Variants in NKAIN3 observed in about 807,000 individuals in gnomAD.
NKAIN3 encodes sodium/potassium transporting ATPase interacting 3, also known as sodium/potassium-transporting ATPase subunit beta-1-interacting protein 3.
Under a neutral mutation model 30.2 loss-of-function variants are expected in NKAIN3, and 25 were observed. The ratio of observed to expected loss-of-function variants is 0.83; its 90% CI spans 0.60 to 1.16. NKAIN3 has a LOEUF of 1.16. Among genes scored for constraint, NKAIN3 ranks in the 50% most tolerant of loss-of-function variants. NKAIN3 has a pLI of 0.00. For missense variants in NKAIN3, 225 were observed against 254.1 expected, an observed-to-expected ratio of 0.89 and a Z score of 0.78; for synonymous variants, 91 against 89.6, an observed-to-expected ratio of 1.02 and a Z score of -0.09.
intron 1 of NKAIN3, among the ~76,000 whole-genome samples, chr8:62,250,849 C>T (rs1812078858): frequency 6.6e-6 from 1 of 151,998 alleles, no homozygotes. Flanking sequence ...TTCCTTGGTG[C>T]TCCAGGTAAA....
chr8:62,367,976 C>A (rs922395318), intron 1 of NKAIN3, among the ~76,000 whole-genome samples: 1 of 151,954 alleles, frequency 6.6e-6, no homozygotes, highest in Non-Finnish European at 1.5e-5. Context: ...CCATTAAAAA[C>A]AGCTACAAAA....
intron 4 of NKAIN3, among the ~76,000 whole-genome samples, chr8:62,788,984 T>C (rs1029820000): frequency 3.2e-4 from 49 of 152,272 alleles, no homozygotes; most frequent in Admixed American, 2.9e-3. Context: ...CCAGCTTTGT[T>C]CTTTTGGCTT....
At position 62,872,978 on chromosome 8, in the gene NKAIN3, G is replaced by A. The variant is rs557913062; in HGVS notation, c.472-45475G>A. 1.1e-3 allele frequency among the ~76,000 whole-genome samples: 163 copies of A among 152,202 alleles called. 1 individual carries two copies. Among genetic ancestry groups the A allele is most frequent in the Middle Eastern group, 6.8e-3 (2 of 294 alleles). ...AACTCATGTACAAAATAACTAAATA[G>A]CATCATAATGACAGGATCAAATTCA... On this transcript the variant is annotated intron_variant, in intron 4 of 6. Transcript: ENST00000623646.
intron 1 of NKAIN3, among the ~76,000 whole-genome samples, chr8:62,506,228 T>TG (rs10633674): frequency 0.4 from 51,710 of 128,616 alleles, 10,589 homozygotes; most frequent in Non-Finnish European, 0.47. Context: ...ATGAGAATAT[T>TG]GGGGGGGGGG....
At chr8:62,948,631 T>G (rs1823192784) in intron 5 of NKAIN3, among the ~76,000 whole-genome samples, 1 of 152,250 alleles carries the variant, frequency 6.6e-6, no homozygotes, top group Non-Finnish European at 1.5e-5. Context: ...AACTTTAAAG[T>G]ATCTTTTCAA....
chr8:62,408,430 G>C (rs1264939108), intron 1 of NKAIN3, among the ~76,000 whole-genome samples: 2 of 152,002 alleles, frequency 1.3e-5, no homozygotes, highest in East Asian at 3.9e-4. Flanking sequence ...GAGTATGACT[G>C]TACCCATCTC....
At chr8:62,513,872 A>T (rs1807896838) in intron 1 of NKAIN3, among the ~76,000 whole-genome samples, 1 of 151,020 alleles carries the variant, frequency 6.6e-6, no homozygotes, top group African/African-American at 2.4e-5. Flanking sequence ...AAAAAAAAAA[A>T]AAAAAAAAAA....
chr8:62,338,073 G>A (rs1245050264), intron 1 of NKAIN3, among the ~76,000 whole-genome samples: 3 of 151,902 alleles, frequency 2.0e-5, no homozygotes, highest in Non-Finnish European at 4.4e-5. Context: ...TTTATTATCT[G>A]CCAATGATGT....
chr8:62,755,562 C>A (rs115719588), intron 4 of NKAIN3, among the ~76,000 whole-genome samples: 4 of 151,848 alleles, frequency 2.6e-5, no homozygotes, highest in African/African-American at 4.8e-5. Flanking sequence ...TGCTTGCTAG[C>A]GCTTTCCAGG....
At chr8:62,474,218 A>G (rs1216428907) in intron 1 of NKAIN3, 1 of 152,194 alleles carries the variant, frequency 6.6e-6, no homozygotes, top group Non-Finnish European at 1.5e-5. Flanking sequence ...AACAAAAAAT[A>G]TATACTTTTC....
chr8:62,856,245 A>C, intron 4 of NKAIN3: 2 of 882,430 alleles, frequency 2.3e-6, no homozygotes, highest in Non-Finnish European at 1.9e-6. Context: ...GTTTCCCAAT[A>C]GAGCTTTATT....
At chr8:62,676,558 G>A (rs555751669) in intron 3 of NKAIN3, among the ~76,000 whole-genome samples, 2 of 152,288 alleles carry the variant, frequency 1.3e-5, no homozygotes, top group Admixed American at 1.3e-4. Flanking sequence ...GACAGAGCAA[G>A]ACTCCGTCTT....
intron 1 of NKAIN3, among the ~76,000 whole-genome samples, chr8:62,428,080 T>C (rs538591607): frequency 1.3e-4 from 20 of 152,052 alleles, no homozygotes; most frequent in Non-Finnish European, 2.1e-4. Flanking sequence ...TACGTGTGCA[T>C]GAGAAAATGC....
chr8:62,859,123 A>T (rs1027865373), intron 4 of NKAIN3, among the ~76,000 whole-genome samples: 1 of 152,180 alleles, frequency 6.6e-6, no homozygotes, highest in Non-Finnish European at 1.5e-5. Flanking sequence ...CTGTGGGAGA[A>T]GCGTGGTTTC....
chr8:62,676,610 A>T (rs1350024370), intron 3 of NKAIN3, among the ~76,000 whole-genome samples: 1 of 152,204 alleles, frequency 6.6e-6, no homozygotes, highest in Non-Finnish European at 1.5e-5. Context: ...GTCAAATTAA[A>T]TTACCAAAGG....
chr8:62,647,897 G>A (rs1300564818), intron 3 of NKAIN3, among the ~76,000 whole-genome samples: 1 of 152,158 alleles, frequency 6.6e-6, no homozygotes, highest in Non-Finnish European at 1.5e-5. Context: ...AGGAATGCAG[G>A]TGAGGTAGGC....
intron 3 of NKAIN3, among the ~76,000 whole-genome samples, chr8:62,690,906 T>C (rs2130442353): frequency 6.6e-6 from 1 of 152,310 alleles, no homozygotes; most frequent in African/African-American, 2.4e-5. Flanking sequence ...GGATGGTAAC[T>C]TCCTTACCAA....
At chr8:62,787,923 C>T (rs558575673) in intron 4 of NKAIN3, among the ~76,000 whole-genome samples, 1 of 152,252 alleles carries the variant, frequency 6.6e-6, no homozygotes, top group South Asian at 2.1e-4. Context: ...TTAATCCAGT[C>T]TATCATTGTT....
In NKAIN3 at chr8:62,248,998, C is replaced by T; in HGVS notation, c.-76C>T. On this transcript the variant is annotated 5_prime_UTR_variant, in exon 1 of 7. Transcript: ENST00000623646. ...CCTGGGCCGGGCCGGGCGGGGACTACTCCGGAGTCAGGAGGCAGCAGCGGC... is the reference window on the plus strand; with the variant it reads ...CCTGGGCCGGGCCGGGCGGGGACTATTCCGGAGTCAGGAGGCAGCAGCGGC... 5 of 1,381,040 alleles carry T rather than the reference C, an allele frequency of 3.6e-6. No homozygotes were observed. Among genetic ancestry groups the T allele is most frequent in the Non-Finnish European group, 4.0e-6 (4 of 1,011,288 alleles). 85.5% of individuals were successfully genotyped at this position (1,381,040 alleles called of 1,614,324 possible).
Sources: gnomAD v4.1 joint callset for allele counts (sites outside exome capture counted in the v4.1 genomes callset) on GRCh38, gnomAD v4.1.1 for gene constraint, MANE v1.5 for transcripts, NCBI Gene and HGNC (gene_info 2026-07-23, HGNC 2026-07-21) for gene names.